Variants in DNAAF5 observed in about 807,000 individuals in gnomAD.
The protein encoded by DNAAF5 is dynein axonemal assembly factor 5.
Under a neutral mutation model 75.8 loss-of-function variants are expected in DNAAF5, and 64 were observed. That is an observed-to-expected ratio of 0.84 (90% confidence interval 0.69 to 1.04). The LOEUF is 1.04. Among genes scored for constraint, DNAAF5 ranks in the 50% least tolerant of loss-of-function variants. DNAAF5 has a pLI of 0.00. For missense variants in DNAAF5, 1,269 were observed against 1,178.5 expected (o/e 1.08, Z -1.12); for synonymous variants, 657 against 557.2 (o/e 1.18, Z -2.52).
chr7:737,957 T>C (rs1354912286), intron 2 of DNAAF5, among the ~76,000 whole-genome samples: 5 of 152,226 alleles, frequency 3.3e-5, no homozygotes, highest in African/African-American at 1.2e-4. Flanking sequence ...GGTATCTTTT[T>C]CTAGGTTTGG....
At chr7:785,422 A>G in intron 12 of DNAAF5, 95 bp from the exon 13 acceptor site, 2 of 1,373,904 alleles carry the variant, frequency 1.5e-6, no homozygotes, top group Non-Finnish European at 2.0e-6. Context: ...GCTTTTACAG[A>G]TGCTTGAACT....
intron 6 of DNAAF5, among the ~76,000 whole-genome samples, chr7:758,370 A>C (rs1782550633): frequency 1.3e-5 from 2 of 152,232 alleles, no homozygotes; most frequent in Admixed American, 1.3e-4. Flanking sequence ...GTCATCCCAC[A>C]GTTGTGCATT....
intron 1 of DNAAF5, among the ~76,000 whole-genome samples, 187 bp from the exon 2 acceptor site, chr7:729,475 CT>C (rs1781490221): frequency 6.6e-6 from 1 of 152,240 alleles, no homozygotes; most frequent in Non-Finnish European, 1.5e-5. Context: ...GAGCCTCTTC[CT>C]GTGCCGGGCG....
intron 6 of DNAAF5, among the ~76,000 whole-genome samples, 194 bp from the exon 7 acceptor site, chr7:761,559 A>G (rs537206892): frequency 6.6e-6 from 1 of 152,348 alleles, no homozygotes; most frequent in South Asian, 2.1e-4. Context: ...TGCCCTTTAT[A>G]CTAACATCAG....
At chr7:746,416 GC>G (rs1782109718) in intron 4 of DNAAF5, among the ~76,000 whole-genome samples, 1 of 30,662 alleles carries the variant, frequency 3.3e-5, no homozygotes, top group Non-Finnish European at 5.2e-5. Context: ...CCGTCCTGCT[GC>G]CCCCCACCCA....
intron 12 of DNAAF5, among the ~76,000 whole-genome samples, chr7:781,365 T>C (rs1165443959): frequency 2.6e-5 from 4 of 152,256 alleles, no homozygotes; most frequent in African/African-American, 9.6e-5. Context: ...TCATTTCTTT[T>C]GTGGCCGGAT....
At chr7:731,463 G>A (rs1037780298) in intron 2 of DNAAF5, among the ~76,000 whole-genome samples, 6 of 152,086 alleles carry the variant, frequency 3.9e-5, no homozygotes, top group African/African-American at 7.2e-5. Context: ...ACTATGTGTC[G>A]ACAGCTGCCT....
In DNAAF5 at chr7:738,406, G is replaced by C. The variant is rs146416394; in HGVS notation, c.781-2413G>C. On this transcript the variant is annotated intron_variant, in intron 2 of 12. Coordinates refer to ENST00000297440, the MANE Select transcript of DNAAF5 (RefSeq NM_017802.4). ...AGGTCACCTATCCCTGTCACCCCAG[G>C]ATTGGTCACCGGTGCCTTATTTAGT... Among the ~76,000 whole-genome samples the C allele has an allele frequency of 4.0e-3, 605 of 152,158 alleles. 8 individuals carry two copies. Among genetic ancestry groups the C allele is most frequent in the African/African-American group, 0.014 (576 of 41,492 alleles).
At chr7:765,692 T>C (rs1346633379) in intron 8 of DNAAF5, among the ~76,000 whole-genome samples, 1 of 152,112 alleles carries the variant, frequency 6.6e-6, no homozygotes. Context: ...GGTATAAAAC[T>C]GTATGGGTTT....
chr7:752,361 C>T (rs897623743), intron 4 of DNAAF5, among the ~76,000 whole-genome samples: 1 of 147,722 alleles, frequency 6.8e-6, no homozygotes, highest in Non-Finnish European at 1.5e-5. Flanking sequence ...AGAGTGATGA[C>T]GAAGCCTTTG....
intron 11 of DNAAF5, among the ~76,000 whole-genome samples, chr7:778,022 T>C (rs1471779192): frequency 1.3e-5 from 2 of 152,150 alleles, no homozygotes; most frequent in African/African-American, 4.8e-5. Flanking sequence ...GACATGAATT[T>C]TCAGATTCAC....
chr7:784,596 G>A (rs532393688), intron 12 of DNAAF5, among the ~76,000 whole-genome samples: 79 of 151,954 alleles, frequency 5.2e-4, no homozygotes, highest in African/African-American at 1.9e-3. Context: ...ACACCACCAC[G>A]AGCCCCTGAC....
chr7:729,353 TC>T (rs1781485822), intron 1 of DNAAF5, among the ~76,000 whole-genome samples: 2 of 152,202 alleles, frequency 1.3e-5, no homozygotes, highest in Non-Finnish European at 2.9e-5. Flanking sequence ...CTTCAGCAGG[TC>T]CAGGCTCTCT....
At chr7:771,429 GCGTCAGCA>G (rs1327795354) in intron 9 of DNAAF5, 1 of 152,378 alleles carries the variant, frequency 6.6e-6, no homozygotes, top group Non-Finnish European at 1.5e-5. Context: ...GATCTGGGCT[GCGTCAGCA>G]CCGGGACCCG....
intron 4 of DNAAF5, among the ~76,000 whole-genome samples, chr7:746,699 G>C (rs1782124796): frequency 6.8e-6 from 1 of 147,648 alleles, no homozygotes; most frequent in Non-Finnish European, 1.5e-5. Flanking sequence ...TGCCCACCCT[G>C]CCCAGGGTCT....
chr7:775,240 G>C, intron 11 of DNAAF5, 78 bp downstream of exon 11: 1 of 1,344,556 alleles, frequency 7.4e-7, no homozygotes, highest in Non-Finnish European at 1.1e-6. Flanking sequence ...TGCATCCATG[G>C]AGTCACCCAA....
intron 2 of DNAAF5, among the ~76,000 whole-genome samples, chr7:736,378 C>G (rs1039486771): frequency 1.3e-5 from 2 of 152,182 alleles, no homozygotes; most frequent in Non-Finnish European, 2.9e-5. Flanking sequence ...GTTTATATAT[C>G]TGGATACTCC....
intron 2 of DNAAF5, among the ~76,000 whole-genome samples, chr7:737,705 A>T (rs1666753704): frequency 6.6e-6 from 1 of 152,204 alleles, no homozygotes. Context: ...GTAAAAGTTT[A>T]CTTTCCTTCA....
intron 5 of DNAAF5, among the ~76,000 whole-genome samples, chr7:755,231 G>A (rs941644495): frequency 2.6e-5 from 4 of 152,182 alleles, no homozygotes; most frequent in Non-Finnish European, 5.9e-5. Flanking sequence ...CCCAGACGGG[G>A]GATGATGGCA....
Sources: allele counts gnomAD v4.1 joint callset (sites outside exome capture counted in the v4.1 genomes callset), GRCh38; gene constraint gnomAD v4.1.1; transcripts MANE v1.5; gene names NCBI Gene and HGNC (gene_info 2026-07-23, HGNC 2026-07-21).